Variants in CCAR2 observed in about 807,000 individuals in gnomAD.
The protein encoded by CCAR2 is cell cycle and apoptosis regulator protein 2.
CCAR2 carries 21 observed loss-of-function variants against 108.1 expected under a neutral mutation model. The observed-to-expected ratio is 0.19, with a 90% CI of 0.14 to 0.28. The LOEUF (loss-of-function observed/expected upper bound fraction) is 0.28, where lower values mean the gene tolerates loss of function less well. CCAR2 is among the 10% of genes least tolerant of loss of function. CCAR2 has a pLI of 1.00. For synonymous variants in CCAR2, 577 were observed against 472.8 expected, an observed-to-expected ratio of 1.22 and a Z score of -2.86; for missense variants, 1,126 against 1,177.0, an observed-to-expected ratio of 0.96 and a Z score of 0.63.
rs5890057 is a variant in CCAR2 at position 22,613,355 on chromosome 8, CTTT to C, written c.704+238_704+240del. ...GTATGAACATTTATTAGATCTAGTTCTTTTTTTTTTTTTTTTTTTTTAGCAACT... is the reference window on the plus strand; with the variant it reads ...GTATGAACATTTATTAGATCTAGTTCTTTTTTTTTTTTTTTTTTAGCAACT... On this transcript the variant is annotated intron_variant, in intron 8 of 20. Coordinates refer to ENST00000308511, the MANE Select transcript of CCAR2 (RefSeq NM_001393997.1). Among the ~76,000 whole-genome samples, 27 of 125,860 alleles carry C rather than the reference CTTT, an allele frequency of 2.1e-4. No homozygotes were observed. The South Asian group carries it at 4.9e-3, about 23-fold the overall frequency. The allele number at this position is 125,860 out of a possible 152,430, so 82.6% of individuals were successfully genotyped here.
chr8:22,615,930 T>TGG lies in CCAR2; in HGVS notation c.1608+21_1608+22dup. The TGG allele has an allele frequency of 6.2e-7, 1 of 1,613,600 alleles. No homozygotes were observed. The highest frequency in any genetic ancestry group is 8.5e-7 in the Non-Finnish European group (1 of 1,179,690). On this transcript the variant is annotated intron_variant, in intron 13 of 20. Transcript: ENST00000308511. ...CTTTTGAGGCAGGTGTCAAGAGTCT[T>TGG]GGGGAGGCTGTGGGCTGGGATTTGT...
In CCAR2 at chr8:22,606,110, C is replaced by T. The variant is rs7843828; in HGVS notation, c.84C>T (p.Gly28=). The T allele has an allele frequency of 0.32, 511,806 of 1,610,666 alleles. 82,545 individuals carry two copies. The highest frequency in any genetic ancestry group is 0.36 in the South Asian group (32,620 of 91,014). The part of the protein sequence containing the change: ...FSGTASTSLL[G]PPPGLLTPPV... Reference sequence around the variant, plus strand: ...GCACAGCTTCAACATCTCTTCTGGGCCCTCCTCCTGGTTTGCTCACTCCTC... The same window carrying T: ...GCACAGCTTCAACATCTCTTCTGGGTCCTCCTCCTGGTTTGCTCACTCCTC... Residue 28 remains glycine, a synonymous_variant, in exon 3 of 21, where the codon GGC becomes GGT. Coordinates refer to ENST00000308511, the MANE Select transcript of CCAR2 (RefSeq NM_001393997.1).
At chr8:22,621,469 C>T, downstream of CCAR2, 3 of 1,613,860 alleles carry the variant, frequency 1.9e-6, no homozygotes, top group Non-Finnish European at 2.5e-6. Flanking sequence ...CTGAGTTTGG[C>T]CTCGTTCTCC....
chr8:22,605,882 GAGTT>G (rs778465706), intron 2 of CCAR2, 51 bp downstream of exon 2: 1 of 1,577,068 alleles, frequency 6.3e-7, no homozygotes, highest in East Asian at 2.2e-5. Flanking sequence ...ATGTGCTCTG[GAGTT>G]AGTTTGGGGT....
chr8:22,621,419 G>A, downstream of CCAR2: 1 of 1,612,404 alleles, frequency 6.2e-7, no homozygotes. Flanking sequence ...GAGTGACGGG[G>A]ATTCAGTCAT....
chr8:22,620,013 A>G lies in CCAR2; in HGVS notation c.*331A>G. On this transcript the variant is annotated 3_prime_UTR_variant, in exon 21 of 21. Coordinates refer to ENST00000308511, the MANE Select transcript of CCAR2 (RefSeq NM_001393997.1). ...TCCTGTCCTCTTCCAGTTTAGAATA[A>G]GACAGGGGAGAAAAAGGCTTTTCGA... The G allele has an allele frequency of 3.0e-6, 1 of 338,326 alleles. No individual in the cohort carries two copies. The highest frequency in any genetic ancestry group is 5.6e-6 in the Non-Finnish European group (1 of 179,214). The allele number at this position is 338,326 out of a possible 1,614,324, so 21.0% of individuals were successfully genotyped here.
At chr8:22,611,360 CAAAA>C (rs533441943) in intron 7 of CCAR2, among the ~76,000 whole-genome samples, 1 of 99,740 alleles carries the variant, frequency 1.0e-5, no homozygotes. Context: ...GACTCTGTCT[CAAAA>C]AAAAAAAAAA....
At chr8:22,605,635 C>A (rs1031574056) in intron 1 of CCAR2, 101 bp from the exon 2 acceptor site, 3 of 685,262 alleles carry the variant, frequency 4.4e-6, no homozygotes, top group Non-Finnish European at 7.8e-6. Context: ...TTACCCACCT[C>A]CCTGTTTTCC....
chr8:22,614,960 G>C lies in CCAR2; in HGVS notation c.1164G>C (p.Ala388=), dbSNP rs112997942. The change falls in exon 11 of 21, where the codon GCG becomes GCC. Residue 388 remains alanine, a synonymous_variant. Transcript: ENST00000308511. ...QVLVRTAIRC[A]QAQTGIDLSG... ...TGGTGCGTACCGCCATCCGCTGTGC[G>C]CAGGCCCAGACTGGCATTGATTTGA... 2 of 1,605,938 alleles carry C rather than the reference G, an allele frequency of 1.2e-6. No homozygotes were observed. Among genetic ancestry groups the C allele is most frequent in the Admixed American group, 3.4e-5 (2 of 58,600 alleles).
chr8:22,617,924 G>A, intron 16 of CCAR2, 146 bp downstream of exon 16: 1 of 781,244 alleles, frequency 1.3e-6, no homozygotes, highest in Non-Finnish European at 2.1e-6. Flanking sequence ...TCATGGAAGG[G>A]CACGTTCATA....
Position 22,618,403 on chromosome 8 carries a change from G to C in CCAR2, c.2128G>C (p.Val710Leu). ...VLPLDCLLAF[V>L]FFDANWCGYL... is the part of the protein sequence containing the mutation. Reference sequence around the variant, plus strand: ...CCCCTTAGACTGTCTGCTTGCTTTTGTGTTCTTTGATGCCAACTGGTGTGG... The same window carrying C: ...CCCCTTAGACTGTCTGCTTGCTTTTCTGTTCTTTGATGCCAACTGGTGTGG... The change falls in exon 17 of 21, where the codon GTG becomes CTG. Residue 710 changes from valine to leucine, a missense_variant. Val to Leu is a conservative substitution (Grantham distance 32, BLOSUM62 1). This residue lies in a region of CCAR2 where 1,013 missense variants were observed against 993.9 expected (regional missense o/e 1.02). Transcript: ENST00000308511. The C allele has an allele frequency of 6.2e-7, 1 of 1,614,248 alleles. No individual in the cohort carries two copies. Among genetic ancestry groups the C allele is most frequent in the Non-Finnish European group, 8.5e-7 (1 of 1,180,048 alleles).
Position 22,616,070 on chromosome 8 carries a change from T to C in CCAR2, c.1667T>C (p.Val556Ala). The C allele has an allele frequency of 6.2e-7, 1 of 1,613,446 alleles. No homozygotes were observed. The highest frequency in any genetic ancestry group is 1.1e-5 in the South Asian group (1 of 91,032). ...CTCCAGAGGGATTTTGGCTATAGAG[T>C]TTATAAGATGCTACTGAGCCTTCCT... is the stretch of plus-strand genomic sequence containing the variant. ...EMLQRDFGYR[V>A]YKMLLSLPEK... The change falls in exon 14 of 21, where the codon GTT becomes GCT. Residue 556 changes from valine to alanine, a missense_variant. Coordinates refer to ENST00000308511, the MANE Select transcript of CCAR2 (RefSeq NM_001393997.1).
rs1296096634 is a variant in CCAR2 at position 22,619,208 on chromosome 8, G to A, written c.2580G>A (p.Glu860=). The change falls in exon 20 of 21, where the codon GAG becomes GAA. Residue 860 remains glutamate, a synonymous_variant. Transcript: ENST00000308511. ...TEVTNKTLAA[E]MQELRVRLAE... ...TAACCAATAAGACGCTGGCGGCAGA[G>A]ATGCAGGAGCTGCGAGTCCGGCTGG... The A allele has an allele frequency of 6.3e-7, 1 of 1,585,842 alleles. No individual in the cohort carries two copies. Among genetic ancestry groups the A allele is most frequent in the Non-Finnish European group, 8.6e-7 (1 of 1,166,130 alleles).
intron 8 of CCAR2, 141 bp from the exon 9 acceptor site, chr8:22,613,951 A>G (rs1329936966): frequency 4.4e-6 from 3 of 676,800 alleles, no homozygotes; most frequent in Non-Finnish European, 7.5e-6. Context: ...GTCAGATCTG[A>G]TCTAGCTTCC....
intron 1 of CCAR2, 152 bp downstream of exon 1, chr8:22,604,994 C>T (rs1362310782): frequency 6.3e-6 from 2 of 315,212 alleles, no homozygotes; most frequent in East Asian, 2.3e-4. Flanking sequence ...TCCCTGGCAA[C>T]GGCCTCGGCC....
chr8:22,620,877 C>T (rs1801769884), downstream of CCAR2: 1 of 152,556 alleles, frequency 6.6e-6, no homozygotes, highest in African/African-American at 2.4e-5. Context: ...GAACCCCAAC[C>T]ACTTAGGTCC....
At chr8:22,612,023 C>T (rs967335177) in intron 7 of CCAR2, among the ~76,000 whole-genome samples, 1 of 151,740 alleles carries the variant, frequency 6.6e-6, no homozygotes, top group Non-Finnish European at 1.5e-5. Flanking sequence ...CGGCTCACTG[C>T]CACCTCCGCC....
intron 7 of CCAR2, among the ~76,000 whole-genome samples, chr8:22,609,168 G>A (rs1390547192): frequency 6.6e-6 from 1 of 151,194 alleles, no homozygotes; most frequent in African/African-American, 2.4e-5. Flanking sequence ...CTCCTGCCTC[G>A]GCCTCCGCAG....
In CCAR2 at chr8:22,619,994, C is replaced by T. The variant is rs1585170163; in HGVS notation, c.*312C>T. ...TAGTCTTGTGCTGACTTTCTCCTGT[C>T]CTCTTCCAGTTTAGAATAAGACAGG... is the stretch of plus-strand genomic sequence containing the variant. On this transcript the variant is annotated 3_prime_UTR_variant, in exon 21 of 21. Transcript: ENST00000308511. The T allele has an allele frequency of 4.9e-6, 2 of 411,426 alleles. No individual in the cohort carries two copies. The highest frequency in any genetic ancestry group is 4.5e-6 in the Non-Finnish European group (1 of 222,816). 25.5% of individuals were successfully genotyped at this position (411,426 alleles called of 1,614,324 possible). A position where few individuals can be genotyped will look rare whatever the true frequency, so the allele number is the denominator to read the frequency against.
Sources: allele counts gnomAD v4.1 joint callset (sites outside exome capture counted in the v4.1 genomes callset), GRCh38; gene constraint gnomAD v4.1.1; regional missense constraint gnomAD v4.1.1; transcripts MANE v1.5; gene names NCBI Gene and HGNC (gene_info 2026-07-23, HGNC 2026-07-21).